Variants in DLGAP1 observed in about 807,000 individuals in gnomAD.
DLGAP1 encodes disks large-associated protein 1.
DLGAP1 carries 11 observed loss-of-function variants against 90.8 expected under a neutral mutation model. The ratio of observed to expected loss-of-function variants is 0.12; its 90% CI spans 0.08 to 0.20. DLGAP1 has a LOEUF of 0.20. DLGAP1 is among the 10% of genes least tolerant of loss of function. The pLI, the probability that DLGAP1 is intolerant of heterozygous loss-of-function variation, is 1.00. For missense variants in DLGAP1, 1,050 were observed against 1,333.8 expected (o/e 0.79, Z 3.31); for synonymous variants, 558 against 540.7 (o/e 1.03, Z -0.44).
intron 3 of DLGAP1, among the ~76,000 whole-genome samples, chr18:3,895,311 ACACACACACAT>A (rs1421239587): frequency 2.4e-4 from 36 of 150,880 alleles, no homozygotes; most frequent in South Asian, 2.1e-4. Flanking sequence ...ACACACACAC[ACACACACACAT>A]CATCATCATC....
At chr18:4,193,060 C>A (rs923110377) in intron 1 of DLGAP1, among the ~76,000 whole-genome samples, 1 of 152,296 alleles carries the variant, frequency 6.6e-6, no homozygotes, top group East Asian at 1.9e-4. Flanking sequence ...TTGTCATTTG[C>A]GCAGGCTACT....
intron 9 of DLGAP1, among the ~76,000 whole-genome samples, chr18:3,552,597 C>T (rs1568182302): frequency 6.6e-6 from 1 of 152,166 alleles, no homozygotes; most frequent in Admixed American, 6.5e-5. Context: ...CAGTGTGCCT[C>T]AACACTGTTT....
At chr18:4,172,536 TA>T (rs1040263597) in intron 1 of DLGAP1, among the ~76,000 whole-genome samples, 1 of 152,208 alleles carries the variant, frequency 6.6e-6, no homozygotes, top group African/African-American at 2.4e-5. Context: ...CCTTTATATC[TA>T]ATTCCAGTTA....
At chr18:3,866,256 C>T (rs1054220287) in intron 4 of DLGAP1, among the ~76,000 whole-genome samples, 8 of 152,116 alleles carry the variant, frequency 5.3e-5, no homozygotes, top group African/African-American at 9.7e-5. Flanking sequence ...ACACTGGGGA[C>T]GGATAACTTT....
At chr18:4,406,697 T>C (rs1322750423) in intron 1 of DLGAP1, among the ~76,000 whole-genome samples, 1 of 152,120 alleles carries the variant, frequency 6.6e-6, no homozygotes, top group East Asian at 1.9e-4. Context: ...TTGGGAGTGG[T>C]TGTGTCAGGG....
chr18:4,122,991 C>A (rs1390242276), intron 2 of DLGAP1, among the ~76,000 whole-genome samples: 1 of 152,148 alleles, frequency 6.6e-6, no homozygotes, highest in African/African-American at 2.4e-5. Flanking sequence ...AGGGTAAGAA[C>A]TGGGGCTAAA....
At chr18:4,371,560 C>T (rs1335880957) in intron 1 of DLGAP1, among the ~76,000 whole-genome samples, 1 of 152,196 alleles carries the variant, frequency 6.6e-6, no homozygotes, top group Non-Finnish European at 1.5e-5. Flanking sequence ...TAGGACTGCC[C>T]TAAGCTTTTT....
At chr18:3,749,344 G>A (rs1223411035) in intron 5 of DLGAP1, among the ~76,000 whole-genome samples, 1 of 151,526 alleles carries the variant, frequency 6.6e-6, no homozygotes, top group Admixed American at 6.6e-5. Context: ...TAGAGAGGGG[G>A]GTTTCACCAT....
intron 10 of DLGAP1, among the ~76,000 whole-genome samples, chr18:3,520,826 T>C (rs1488512340): frequency 6.6e-6 from 1 of 152,198 alleles, no homozygotes; most frequent in Non-Finnish European, 1.5e-5. Flanking sequence ...CGCTCTCGTA[T>C]TTCTTCTGCT....
rs976798632 is a variant in DLGAP1 at position 3,499,021 on chromosome 18, G to A, written c.*164C>T. On this transcript the variant is annotated 3_prime_UTR_variant, in exon 13 of 13. Transcript: ENST00000315677. The surrounding 1 kb of genome is among the most constrained non-coding windows in gnomAD (Gnocchi z 6.4). ...GGGTACGGGAAGTGGGGGGCTGAGG[G>A]GGGCCCGGGGGGCGGCTCCTGCGAG... 17 of 616,710 alleles carry A rather than the reference G, an allele frequency of 2.8e-5. No homozygotes were observed. Among genetic ancestry groups the A allele is most frequent in the Non-Finnish European group, 2.7e-6 (1 of 369,004 alleles). 38.2% of individuals were successfully genotyped at this position (616,710 alleles called of 1,614,324 possible).
At chr18:3,570,793 A>G (rs79054806) in intron 8 of DLGAP1, among the ~76,000 whole-genome samples, 2 of 151,838 alleles carry the variant, frequency 1.3e-5, no homozygotes, top group Non-Finnish European at 1.5e-5. Flanking sequence ...ATAGCTGGGC[A>G]TAGTGGCATG....
intron 2 of DLGAP1, among the ~76,000 whole-genome samples, chr18:4,081,784 T>C (rs1330957832): frequency 6.6e-6 from 1 of 152,240 alleles, no homozygotes; most frequent in Non-Finnish European, 1.5e-5. Context: ...AGCTGTTGTC[T>C]GCTCTGTGGG....
chr18:3,778,525 A>G (rs921863096), intron 5 of DLGAP1, among the ~76,000 whole-genome samples: 3 of 152,138 alleles, frequency 2.0e-5, no homozygotes, highest in Admixed American at 6.5e-5. Context: ...GGTTAGCAAT[A>G]AAAACAGGTT....
Position 3,879,792 on chromosome 18 carries a change from C to G in DLGAP1, c.277G>C (p.Ala93Pro). The G allele has an allele frequency of 2.5e-6, 4 of 1,607,398 alleles. No homozygotes were observed. The highest frequency in any genetic ancestry group is 3.4e-6 in the Non-Finnish European group (4 of 1,179,896). Reference sequence around the variant, plus strand: ...GCGGGGATGCGGTTCGCCTTGGTGGCCAGGGTGCGGGGCACCAGGGCACAC... The same window carrying G: ...GCGGGGATGCGGTTCGCCTTGGTGGGCAGGGTGCGGGGCACCAGGGCACAC... ...DECALVPRTLATKANRIPANL... is the reference protein window; with the variant it reads ...DECALVPRTLPTKANRIPANL... Residue 93 changes from alanine (A) to proline (P), a missense_variant, in exon 4 of 13, where the codon GCC becomes CCC. Coordinates refer to ENST00000315677, the MANE Select transcript of DLGAP1 (RefSeq NM_004746.4). The surrounding 1 kb of genome is among the most constrained non-coding windows in gnomAD (Gnocchi z 6.6).
intron 7 of DLGAP1, among the ~76,000 whole-genome samples, chr18:3,662,852 A>G (rs1456979488): frequency 6.6e-6 from 1 of 152,234 alleles, no homozygotes; most frequent in African/African-American, 2.4e-5. Flanking sequence ...TATTATCAGT[A>G]TACGTTGGAC....
At chr18:3,690,965 C>T (rs1314306040) in intron 7 of DLGAP1, among the ~76,000 whole-genome samples, 1 of 152,104 alleles carries the variant, frequency 6.6e-6, no homozygotes, top group Non-Finnish European at 1.5e-5. Flanking sequence ...GAAAATGGTA[C>T]AGTATTGGCC....
chr18:4,031,516 A>G (rs1439432942), intron 2 of DLGAP1, among the ~76,000 whole-genome samples: 1 of 152,180 alleles, frequency 6.6e-6, no homozygotes, highest in Non-Finnish European at 1.5e-5. Context: ...CTGGTTCAAT[A>G]GGGAGCTGTT....
intron 1 of DLGAP1, among the ~76,000 whole-genome samples, chr18:4,403,270 C>A (rs1328714963): frequency 6.6e-6 from 1 of 152,004 alleles, no homozygotes; most frequent in Non-Finnish European, 1.5e-5. Context: ...TGAAGTTCCA[C>A]CAAAAAGTCC....
rs765294151 is a variant in DLGAP1 at position 3,879,365 on chromosome 18, T to C, written c.704A>G (p.Tyr235Cys). 1.8e-5 allele frequency: 29 copies of C among 1,613,214 alleles called. No individual in the cohort carries two copies. The highest frequency in any genetic ancestry group is 2.2e-5 in the Non-Finnish European group (26 of 1,179,770). ...GATGGTGTTGTAGGCCTCCAGGAAG[T>C]ACTGTGAGGCCGAGCGGTCGGGGCA... is the stretch of plus-strand genomic sequence containing the variant. ...GRCPDRSASQ[Y>C]FLEAYNTISE... Residue 235 changes from tyrosine (Y) to cysteine (C), a missense_variant, in exon 4 of 13, where the codon TAC (tyrosine) becomes TGC (cysteine). Around this residue, in one of 2 missense-constraint regions of DLGAP1, gnomAD observed 485 missense variants for 454.1 expected, o/e 1.07. Coordinates refer to ENST00000315677, the MANE Select transcript of DLGAP1 (RefSeq NM_004746.4). The surrounding 1 kb of genome is among the most constrained non-coding windows in gnomAD (Gnocchi z 6.6).
Sources: allele counts gnomAD v4.1 joint callset (sites outside exome capture counted in the v4.1 genomes callset), GRCh38; gene constraint gnomAD v4.1.1; regional missense constraint gnomAD v4.1.1; non-coding constraint Gnocchi (gnomAD v3.1); transcripts MANE v1.5; gene names NCBI Gene and HGNC (gene_info 2026-07-23, HGNC 2026-07-21).